CIBAR2: variants seen among roughly 807,000 people sequenced by gnomAD.
CIBAR2 encodes CBY1-interacting BAR domain-containing protein 2.
In CIBAR2, 38 loss-of-function variants were observed where a neutral mutation model predicts 36.2. The ratio of observed to expected loss-of-function variants is 1.05; its 90% confidence interval spans 0.81 to 1.38. The LOEUF (loss-of-function observed/expected upper bound fraction) is 1.38, where lower values mean the gene tolerates loss of function less well. Among genes scored for constraint, CIBAR2 ranks in the 40% most tolerant of loss-of-function variants. CIBAR2 has a pLI of 0.00. For synonymous variants in CIBAR2, 182 were observed against 149.5 expected, an observed-to-expected ratio of 1.22 and a Z score of -1.58; for missense variants, 481 against 383.4, an observed-to-expected ratio of 1.25 and a Z score of -2.13.
rs774072869 is a variant in CIBAR2 at position 85,105,291 on chromosome 16, C to G, written c.537+36G>C. 79 of 1,354,848 alleles carry G rather than the reference C, an allele frequency of 5.8e-5. No individual in the cohort carries two copies. In the Admixed American group the frequency reaches 1.3e-3, roughly 22 times the overall value. The allele number at this position is 1,354,848 out of a possible 1,614,324, so 83.9% of individuals were successfully genotyped here. A position where few individuals can be genotyped will look rare whatever the true frequency, so the allele number is the denominator to read the frequency against. On this transcript the variant is annotated intron_variant, in intron 6 of 8. Transcript: ENST00000539556. ...GTGCATGCACACACACACAAGGCAG[C>G]CCAGGGCGCCTCCCATCCCGGCCAA...
At chr16:85,112,260 C>A in intron 1 of CIBAR2, 73 bp downstream of exon 1, 3 of 1,315,044 alleles carry the variant, frequency 2.3e-6, no homozygotes, top group South Asian at 1.2e-5. Context: ...CTGCCCTCAT[C>A]TTTGTTGGTG....
At position 85,104,478 on chromosome 16, in the gene CIBAR2, T is replaced by C. The variant is rs1052811711; in HGVS notation, c.537+849A>G. Reference sequence around the variant, plus strand: ...ATCCCAGCACTTTAGGAGGCCAAGGTGGGTGGATCAATTGAGGTCAGGCGT... The same window carrying C: ...ATCCCAGCACTTTAGGAGGCCAAGGCGGGTGGATCAATTGAGGTCAGGCGT... On this transcript the variant is annotated intron_variant, in intron 6 of 8. Coordinates refer to ENST00000539556, the MANE Select transcript of CIBAR2 (RefSeq NM_198491.3). Among the ~76,000 whole-genome samples, 10 of 152,156 alleles carry C rather than the reference T, an allele frequency of 6.6e-5. No homozygotes were observed. The East Asian group carries it at 1.7e-3, about 26-fold the overall frequency.
chr16:85,107,866 G>A lies in CIBAR2; in HGVS notation c.406C>T (p.Pro136Ser). ...EKLEKLRQKS[P>S]SDQQMISQAE... Reference sequence around the variant, plus strand: ...GATACGATCATTTGCTGATCCGAGGGTGACTTCTGCCTCAGTTTCTCCAGT... The same window carrying A: ...GATACGATCATTTGCTGATCCGAGGATGACTTCTGCCTCAGTTTCTCCAGT... Residue 136 changes from proline to serine, a missense_variant, in exon 4 of 9, where the codon CCC becomes TCC. Transcript: ENST00000539556. 2 of 1,613,912 alleles carry A rather than the reference G, an allele frequency of 1.2e-6. No homozygotes were observed. Among genetic ancestry groups the A allele is most frequent in the South Asian group, 1.1e-5 (1 of 91,080 alleles).
chr16:85,110,571 G>A, intron 1 of CIBAR2, 111 bp from the exon 2 acceptor site: 2 of 750,106 alleles, frequency 2.7e-6, no homozygotes, highest in Middle Eastern at 2.6e-4. Context: ...CCGGCCTCTG[G>A]TGTGGCACGC....
chr16:85,108,546 C>T (rs995832029), intron 2 of CIBAR2, among the ~76,000 whole-genome samples: 3 of 152,220 alleles, frequency 2.0e-5, no homozygotes, highest in Non-Finnish European at 4.4e-5. Flanking sequence ...GATGAGAAAA[C>T]TGAGCCTTGC....
intron 6 of CIBAR2, 77 bp from the exon 7 acceptor site, chr16:85,102,404 G>A: frequency 1.2e-6 from 1 of 864,616 alleles, no homozygotes; most frequent in Non-Finnish European, 2.0e-6. Context: ...GCAGGCAGAT[G>A]GGGTGGGGGT....
At chr16:85,109,360 G>A (rs1247720702) in intron 2 of CIBAR2, among the ~76,000 whole-genome samples, 3 of 152,106 alleles carry the variant, frequency 2.0e-5, no homozygotes, top group Non-Finnish European at 4.4e-5. Context: ...CCTCTTACTG[G>A]GGGACAGTTG....
At position 85,107,758 on chromosome 16, in the gene CIBAR2, G is replaced by A. The variant is rs2074007821; in HGVS notation, c.427-86C>T. On this transcript the variant is annotated intron_variant, in intron 4 of 8. Transcript: ENST00000539556. ...CCCCCTTCACAGCCCCTGCCCAGCG[G>A]GCCCAGGCAAAGAAAACCTCAGAAG... is the stretch of plus-strand genomic sequence containing the variant. 5.0e-6 allele frequency: 8 copies of A among 1,589,286 alleles called. No individual in the cohort carries two copies. In the South Asian group the frequency reaches 8.8e-5, roughly 18 times the overall value.
chr16:85,105,381 G>C lies in CIBAR2; in HGVS notation c.483C>G (p.Leu161=). The C allele has an allele frequency of 1.2e-6, 2 of 1,613,944 alleles. No homozygotes were observed. The highest frequency in any genetic ancestry group is 1.7e-4 in the Middle Eastern group (1 of 6,060). The part of the protein sequence containing the change: ...RAAVDSSRTT[L]QLEETVDGFQ... ...AGCCATCCACAGTCTCCTCCAGCTG[G>C]AGGGTGGTGCGGCTGGAGTCCACAG... The change falls in exon 6 of 9, where the codon CTC becomes CTG. Residue 161 remains leucine, a synonymous_variant. Transcript: ENST00000539556.
In CIBAR2 at chr16:85,107,928, T is replaced by C; in HGVS notation, c.344A>G (p.Lys115Arg). The change falls in exon 4 of 9, where the codon AAA becomes AGA. Residue 115 changes from lysine to arginine, a missense_variant. Transcript: ENST00000539556. ...TTTGATCTCATGATTTTGGACATGT[T>C]TGAATTTCTTGATCTCAGCCTGCAG... ...KQTRAEIKKFKHVQNHEIKQL... is the reference protein window; with the variant it reads ...KQTRAEIKKFRHVQNHEIKQL... 1 of 1,614,160 alleles carries C rather than the reference T, an allele frequency of 6.2e-7. No individual in the cohort carries two copies. The highest frequency in any genetic ancestry group is 8.5e-7 in the Non-Finnish European group (1 of 1,179,966).
At chr16:85,102,606 G>A (rs1481320476) in intron 6 of CIBAR2, among the ~76,000 whole-genome samples, 1 of 152,192 alleles carries the variant, frequency 6.6e-6, no homozygotes, top group East Asian at 1.9e-4. Flanking sequence ...GAGCCCAGGA[G>A]TTCAAGACCA....
rs560710433 is a variant in CIBAR2 at position 85,105,190 on chromosome 16, G to C, written c.537+137C>G. ...CCTGTGTGGGCATAAGCTCACTCAC[G>C]CCTTCCAGTGCTCACACGTGTACAC... On this transcript the variant is annotated intron_variant, in intron 6 of 8. Coordinates refer to ENST00000539556, the MANE Select transcript of CIBAR2 (RefSeq NM_198491.3). 890 of 538,470 alleles carry C rather than the reference G, an allele frequency of 1.7e-3. 3 individuals carry two copies. Among genetic ancestry groups the C allele is most frequent in the South Asian group, 4.8e-3 (186 of 38,718 alleles). The allele number at this position is 538,470 out of a possible 1,614,324, so 33.4% of individuals were successfully genotyped here. A position where few individuals can be genotyped will look rare whatever the true frequency, so the allele number is the denominator to read the frequency against.
chr16:85,107,756 C>A lies in CIBAR2; in HGVS notation c.427-84G>T, dbSNP rs766412022. The A allele has an allele frequency of 1.3e-5, 20 of 1,584,686 alleles. No homozygotes were observed. The Admixed American group carries it at 2.7e-4, about 21-fold the overall frequency. On this transcript the variant is annotated intron_variant, in intron 4 of 8. Coordinates refer to ENST00000539556, the MANE Select transcript of CIBAR2 (RefSeq NM_198491.3). ...CGCCCCCTTCACAGCCCCTGCCCAG[C>A]GGGCCCAGGCAAAGAAAACCTCAGA...
At chr16:85,102,558 T>G (rs2073964363) in intron 6 of CIBAR2, among the ~76,000 whole-genome samples, 1 of 152,194 alleles carries the variant, frequency 6.6e-6, no homozygotes, top group Non-Finnish European at 1.5e-5. Flanking sequence ...ATGCCTGTAA[T>G]CTCAGTACTT....
chr16:85,110,866 G>T (rs1261628099), intron 1 of CIBAR2, among the ~76,000 whole-genome samples: 1 of 152,016 alleles, frequency 6.6e-6, no homozygotes, highest in Non-Finnish European at 1.5e-5. Flanking sequence ...CACCATGCCT[G>T]GCTAATTTTT....
chr16:85,101,166 G>A (rs529706130), intron 7 of CIBAR2, among the ~76,000 whole-genome samples: 1 of 152,360 alleles, frequency 6.6e-6, no homozygotes, highest in Non-Finnish European at 1.5e-5. Context: ...ACCCAGGGAT[G>A]GCAGGCTTTG....
intron 6 of CIBAR2, among the ~76,000 whole-genome samples, chr16:85,103,632 G>A (rs780922657): frequency 3.9e-5 from 6 of 152,174 alleles, no homozygotes; most frequent in South Asian, 2.1e-4. Context: ...AACGTCTGCC[G>A]ACTGTTTCAG....
At chr16:85,105,497 T>A in intron 5 of CIBAR2, 66 bp from the exon 6 acceptor site, 1 of 1,135,834 alleles carries the variant, frequency 8.8e-7, no homozygotes, top group Non-Finnish European at 1.3e-6. Context: ...GACACCTTTC[T>A]GAATCACTCT....
At chr16:85,102,150 G>C in intron 7 of CIBAR2, 64 bp downstream of exon 7, 1 of 939,306 alleles carries the variant, frequency 1.1e-6, no homozygotes, top group Non-Finnish European at 1.7e-6. Context: ...CTTCTATCAA[G>C]ACAAAACCAA....
Sources: gnomAD v4.1 joint callset for allele counts (sites outside exome capture counted in the v4.1 genomes callset) on GRCh38, gnomAD v4.1.1 for gene constraint, MANE v1.5 for transcripts, NCBI Gene and HGNC (gene_info 2026-07-23, HGNC 2026-07-21) for gene names.